The following RBFOX1 variants were observed in gnomAD, a reference collection of about 807,000 sequenced individuals.
RBFOX1 encodes the protein RNA binding fox-1 homolog 1, also known as RNA binding protein fox-1 homolog 1.
A neutral mutation model predicts 57.7 loss-of-function variants in RBFOX1; 8 were observed. That is an observed-to-expected ratio of 0.14 (90% CI 0.08 to 0.25). RBFOX1 has a LOEUF of 0.25. RBFOX1 is among the 10% of genes least tolerant of loss of function. The probability of loss-of-function intolerance (pLI) is 1.00; values close to 1 mark genes in which losing one functional copy is unlikely to be tolerated. For synonymous variants in RBFOX1, 326 were observed against 222.4 expected (o/e 1.47, Z -4.15); for missense variants, 611 against 548.5 (o/e 1.11, Z -1.14).
chr16:7,554,489 T>G (rs916972221), intron 5 of RBFOX1, among the ~76,000 whole-genome samples: 2 of 151,970 alleles, frequency 1.3e-5, no homozygotes, highest in African/African-American at 4.8e-5. Context: ...TCAGCCTGAG[T>G]CGTGTAGACT....
chr16:5,973,514 A>G (rs776057774), intron 4 of RBFOX1, among the ~76,000 whole-genome samples: 4 of 152,194 alleles, frequency 2.6e-5, no homozygotes, highest in Admixed American at 2.6e-4. Context: ...GAAAAGTCAT[A>G]TACGCAGGAT....
chr16:7,435,744 T>G (rs2149719432), intron 4 of RBFOX1, among the ~76,000 whole-genome samples: 1 of 152,248 alleles, frequency 6.6e-6, no homozygotes, highest in Admixed American at 6.5e-5. Flanking sequence ...GGCTAAATAA[T>G]TTTCTTTAAA....
chr16:6,899,566 C>T lies in RBFOX1; in HGVS notation c.-15-152491C>T, dbSNP rs370829826. ...CTGGATGTAGATTACAACTCCATCT[C>T]TCACCATCTGTGAGATTTTGAGCAC... is the stretch of plus-strand genomic sequence containing the variant. On this transcript the variant is annotated intron_variant, in intron 3 of 15. Coordinates refer to ENST00000550418, the MANE Select transcript of RBFOX1 (RefSeq NM_018723.4). 3.9e-5 allele frequency among the ~76,000 whole-genome samples: 6 copies of T among 152,328 alleles called. 1 individual carries two copies. The South Asian group carries it at 8.3e-4, about 21-fold the overall frequency.
At chr16:7,708,356 G>T (rs1332139034) in intron 14 of RBFOX1, among the ~76,000 whole-genome samples, 1 of 152,130 alleles carries the variant, frequency 6.6e-6, no homozygotes, top group Non-Finnish European at 1.5e-5. Flanking sequence ...GCAGGTAGTA[G>T]GATGGTAGAG....
chr16:6,489,191 G>A (rs908343991), intron 2 of RBFOX1, among the ~76,000 whole-genome samples: 3 of 152,162 alleles, frequency 2.0e-5, no homozygotes, highest in African/African-American at 7.2e-5. Context: ...GTCACTAGAA[G>A]AGAAATGTAA....
chr16:6,664,956 A>G (rs1459170593), intron 3 of RBFOX1, among the ~76,000 whole-genome samples: 1 of 152,184 alleles, frequency 6.6e-6, no homozygotes. Flanking sequence ...TTTGTAAATC[A>G]TGCATCCCAT....
rs926102361 is a variant in RBFOX1, at chr16:6,964,613, C to G, written c.-15-87444C>G. 2.0e-4 allele frequency among the ~76,000 whole-genome samples: 30 copies of G among 152,126 alleles called. 1 individual carries two copies. The highest frequency in any genetic ancestry group is 7.0e-4 in the African/African-American group (29 of 41,436). ...AATTTTCTGTGAACCTAATACTCCT[C>G]TAAAAAATAACGTTAGTTTGAAGAA... On this transcript the variant is annotated intron_variant, in intron 3 of 15. Transcript: ENST00000550418.
chr16:7,561,384 C>T (rs546781441), intron 5 of RBFOX1, among the ~76,000 whole-genome samples: 6 of 152,196 alleles, frequency 3.9e-5, no homozygotes, highest in African/African-American at 9.7e-5. Flanking sequence ...AAAGGAGATG[C>T]AGGCATTTCT....
At chr16:5,741,130 C>T (rs2052755803) in intron 3 of RBFOX1, among the ~76,000 whole-genome samples, 1 of 152,144 alleles carries the variant, frequency 6.6e-6, no homozygotes, top group Non-Finnish European at 1.5e-5. Flanking sequence ...GGATAGTGGT[C>T]CAGTGTCATC....
chr16:5,876,418 C>A (rs916771762), intron 4 of RBFOX1, among the ~76,000 whole-genome samples: 1 of 152,122 alleles, frequency 6.6e-6, no homozygotes, highest in Non-Finnish European at 1.5e-5. Context: ...GAGACTCACA[C>A]CCGAGGCTAT....
intron 3 of RBFOX1, among the ~76,000 whole-genome samples, chr16:5,719,598 A>G (rs896818887): frequency 3.3e-5 from 5 of 152,018 alleles, no homozygotes; most frequent in Non-Finnish European, 7.4e-5. Context: ...GGCAATTACT[A>G]ATCAATTTTC....
chr16:6,350,174 C>T (rs555770746), intron 2 of RBFOX1, among the ~76,000 whole-genome samples: 24 of 152,124 alleles, frequency 1.6e-4, no homozygotes, highest in African/African-American at 5.5e-4. Context: ...TGGTGTTTCA[C>T]GCCTGTAATC....
In RBFOX1 at chr16:6,671,229, G is replaced by A. The variant is rs374579655; in HGVS notation, c.-16+16579G>A. On this transcript the variant is annotated intron_variant, in intron 3 of 15. Transcript: ENST00000550418. ...TCAAAATATTGGCAACAACCTAAAT[G>A]CTTAATCTTAAGGTAATGGCTTCTT... Among the ~76,000 whole-genome samples the A allele has an allele frequency of 2.3e-4, 35 of 152,270 alleles. No homozygotes were observed. The East Asian group carries it at 6.2e-3, about 27-fold the overall frequency.
At chr16:6,407,596 G>GAGAGAGAGAGAGAC (rs71386523) in intron 2 of RBFOX1, among the ~76,000 whole-genome samples, 3 of 146,088 alleles carry the variant, frequency 2.1e-5, no homozygotes, top group African/African-American at 5.3e-5. Flanking sequence ...AGAGAGAGAA[G>GAGAGAGAGAGAGAC]TACATTCTAT....
At chr16:7,188,832 T>A (rs2084586986) in intron 4 of RBFOX1, among the ~76,000 whole-genome samples, 1 of 152,164 alleles carries the variant, frequency 6.6e-6, no homozygotes, top group South Asian at 2.1e-4. Context: ...AGTTGGCTGT[T>A]AAAAATGCAA....
chr16:7,575,384 C>T (rs1251265537), intron 5 of RBFOX1, among the ~76,000 whole-genome samples: 1 of 152,108 alleles, frequency 6.6e-6, no homozygotes, highest in Non-Finnish European at 1.5e-5. Flanking sequence ...CTGCCCCGCT[C>T]AGCCTCCCAA....
rs530421207 is a variant in RBFOX1 at position 6,756,709 on chromosome 16, C to T, written c.-16+102059C>T. 1.3e-3 allele frequency among the ~76,000 whole-genome samples: 196 copies of T among 152,226 alleles called. 1 individual carries two copies. The highest frequency in any genetic ancestry group is 6.8e-3 in the Middle Eastern group (2 of 294). On this transcript the variant is annotated intron_variant, in intron 3 of 15. Transcript: ENST00000550418. ...TATACAGGCCGGGCCTGGTGGTTCACGCCTGTAATCCCAACACTTTGGGAG... is the reference window on the plus strand; with the variant it reads ...TATACAGGCCGGGCCTGGTGGTTCATGCCTGTAATCCCAACACTTTGGGAG...
At chr16:5,455,824 G>A (rs922148761) in intron 1 of RBFOX1, among the ~76,000 whole-genome samples, 4 of 152,086 alleles carry the variant, frequency 2.6e-5, no homozygotes, top group East Asian at 1.9e-4. Flanking sequence ...CCCTGGTTTC[G>A]AGAAATAAAT....
rs71145210 is a variant in RBFOX1 at position 6,311,295 on chromosome 16, C to CAAAAA, written c.-126-5683_-126-5679dup. 3.2e-4 allele frequency among the ~76,000 whole-genome samples: 29 copies of CAAAAA among 91,198 alleles called. 1 individual carries two copies. The highest frequency in any genetic ancestry group is 3.5e-4 in the Non-Finnish European group (18 of 51,076). 59.8% of individuals were successfully genotyped at this position (91,198 alleles called of 152,430 possible). ...TGGGTGACAGTACGAGACTCTGTCT[C>CAAAAA]AAAAAAAAAAAAAAAAAAAAAGAAT... On this transcript the variant is annotated intron_variant, in intron 1 of 15. Coordinates refer to ENST00000550418, the MANE Select transcript of RBFOX1 (RefSeq NM_018723.4).
Sources: gnomAD v4.1 joint callset for allele counts (sites outside exome capture counted in the v4.1 genomes callset) on GRCh38, gnomAD v4.1.1 for gene constraint, MANE v1.5 for transcripts, NCBI Gene and HGNC (gene_info 2026-07-23, HGNC 2026-07-21) for gene names.